Variants in KRABD2 observed in about 807,000 individuals in gnomAD.
The protein encoded by KRABD2 is KRAB domain-containing protein 2.
the KRABD2 span, chr17:8,371,250 G>T: frequency 2.2e-6 from 3 of 1,353,834 alleles, no homozygotes; most frequent in East Asian, 2.3e-5. Context: ...ATTTTTAAAT[G>T]ACGGTTTCCC....
At chr17:8,361,589 A>G in the KRABD2 span, among the ~76,000 whole-genome samples, 1 of 152,076 alleles carries the variant, frequency 6.6e-6, no homozygotes, top group African/African-American at 2.4e-5. Context: ...ACCACTGCAG[A>G]TTTCTTTTTT....
At chr17:8,374,269 G>T in the KRABD2 span, among the ~76,000 whole-genome samples, 2 of 152,256 alleles carry the variant, frequency 1.3e-5, no homozygotes, top group Non-Finnish European at 2.9e-5. Flanking sequence ...ACTCCATTTT[G>T]TTCTATACTA....
the KRABD2 span, chr17:8,359,758 C>T: frequency 6.6e-6 from 3 of 455,904 alleles, no homozygotes; most frequent in East Asian, 2.1e-4. Context: ...GGCAGGGTTT[C>T]AGGACTGGGA....
chr17:8,372,557 G>A, the KRABD2 span, among the ~76,000 whole-genome samples: 1 of 152,182 alleles, frequency 6.6e-6, no homozygotes, highest in Non-Finnish European at 1.5e-5. The surrounding 1 kb of genome is among the most constrained non-coding windows in gnomAD (Gnocchi z 4.1). Flanking sequence ...CTCCCAAAGT[G>A]TTGGAATTAC....
the KRABD2 span, among the ~76,000 whole-genome samples, chr17:8,360,783 C>T: frequency 2.0e-5 from 3 of 152,112 alleles, no homozygotes; most frequent in Admixed American, 2.0e-4. Flanking sequence ...AAAACCTTTC[C>T]CCCTTACAAT....
the KRABD2 span, chr17:8,369,825 C>T: frequency 6.2e-7 from 1 of 1,614,204 alleles, no homozygotes; most frequent in African/African-American, 1.3e-5. Context: ...TTCAACTTGG[C>T]ATGTGGAGTC....
the KRABD2 span, among the ~76,000 whole-genome samples, chr17:8,360,388 C>T: frequency 6.6e-6 from 1 of 152,076 alleles, no homozygotes; most frequent in Non-Finnish European, 1.5e-5. Flanking sequence ...GCAATTTGCT[C>T]AGGAAGCTCA....
At chr17:8,364,533 C>T in the KRABD2 span, among the ~76,000 whole-genome samples, 6 of 152,122 alleles carry the variant, frequency 3.9e-5, no homozygotes, top group Non-Finnish European at 8.8e-5. This position sits in a 1 kb window ranked among gnomAD's most constrained non-coding sequence, Gnocchi z 4.4. Flanking sequence ...CTTTCTTCAG[C>T]AGTGGGCCAC....
chr17:8,364,041 G>A, the KRABD2 span, among the ~76,000 whole-genome samples: 2 of 151,310 alleles, frequency 1.3e-5, no homozygotes, highest in Non-Finnish European at 2.9e-5. This position sits in a 1 kb window ranked among gnomAD's most constrained non-coding sequence, Gnocchi z 4.4. Flanking sequence ...GCTAATTTTT[G>A]TATTTTTAGT....
chr17:8,371,749 C>G, the KRABD2 span: 1 of 1,279,102 alleles, frequency 7.8e-7, no homozygotes, highest in Non-Finnish European at 9.9e-7. Flanking sequence ...TGAACTTGGG[C>G]GCAGGCTTGA....
At chr17:8,368,868 C>G in the KRABD2 span, 14 of 422,898 alleles carry the variant, frequency 3.3e-5, no homozygotes, top group Non-Finnish European at 5.8e-5. Flanking sequence ...AACTCCTGAT[C>G]TCAAGTGACC....
the KRABD2 span, among the ~76,000 whole-genome samples, chr17:8,364,325 A>G: frequency 6.6e-6 from 1 of 152,148 alleles, no homozygotes; most frequent in African/African-American, 2.4e-5. The surrounding 1 kb of genome is among the most constrained non-coding windows in gnomAD (Gnocchi z 4.4). Context: ...TCCTAGAGAT[A>G]CACAGGTCTG....
At chr17:8,370,479 T>A in the KRABD2 span, 2 of 843,304 alleles carry the variant, frequency 2.4e-6, no homozygotes, top group Non-Finnish European at 3.6e-6. Context: ...TTCTTTCATC[T>A]AATTTTTGAA....
the KRABD2 span, among the ~76,000 whole-genome samples, chr17:8,368,025 G>A: frequency 6.7e-6 from 1 of 150,172 alleles, no homozygotes; most frequent in African/African-American, 2.5e-5. Context: ...CACTTTGGGA[G>A]GCCAATCCCT....
chr17:8,374,107 C>T, the KRABD2 span, among the ~76,000 whole-genome samples: 1 of 152,170 alleles, frequency 6.6e-6, no homozygotes, highest in African/African-American at 2.4e-5. Context: ...TGCCGGGCCG[C>T]CACCCCGTCT....
chr17:8,371,490 C>A, the KRABD2 span: 6 of 1,611,006 alleles, frequency 3.7e-6, no homozygotes, highest in Admixed American at 8.3e-5. Flanking sequence ...GCAGCTTCAG[C>A]AGGACTGGGG....
chr17:8,370,146 T>C, the KRABD2 span: 2 of 1,614,074 alleles, frequency 1.2e-6, no homozygotes, highest in Non-Finnish European at 1.7e-6. Flanking sequence ...TGCACGGCGA[T>C]AATCACGTGA....
chr17:8,373,326 C>T, the KRABD2 span, among the ~76,000 whole-genome samples: 2 of 152,350 alleles, frequency 1.3e-5, no homozygotes, highest in South Asian at 2.1e-4. Flanking sequence ...CCACAGGCGC[C>T]GCCATGCCTG....
chr17:8,369,299 C>G, the KRABD2 span: 157 of 1,614,146 alleles, frequency 9.7e-5, no homozygotes, highest in Non-Finnish European at 1.2e-4. Flanking sequence ...CAATTTCTAG[C>G]TCTTCTTCCG....
Sources: gnomAD v4.1 joint callset for allele counts (sites outside exome capture counted in the v4.1 genomes callset) on GRCh38, gnomAD v4.1.1 for gene constraint, Gnocchi (gnomAD v3.1) non-coding constraint, MANE v1.5 for transcripts, NCBI Gene and HGNC (gene_info 2026-07-23, HGNC 2026-07-21) for gene names.